The following COL23A1 variants were observed in gnomAD, a reference collection of about 807,000 sequenced individuals.
COL23A1 encodes the protein collagen type XXIII alpha 1 chain.
COL23A1 carries 97 observed loss-of-function variants against 99.3 expected under a neutral mutation model. That is an observed-to-expected ratio of 0.98 (90% CI 0.83 to 1.16). The LOEUF is 1.16. Ranked by LOEUF, COL23A1 falls within the 50% of genes most tolerant of loss-of-function variation. The pLI, the probability that COL23A1 is intolerant of heterozygous loss-of-function variation, is 0.00. For synonymous variants in COL23A1, 320 were observed against 308.2 expected, an observed-to-expected ratio of 1.04 and a Z score of -0.40; for missense variants, 762 against 757.4, an observed-to-expected ratio of 1.01 and a Z score of -0.07.
At chr5:178,372,209 C>T (rs527742551) in intron 2 of COL23A1, among the ~76,000 whole-genome samples, 19 of 152,330 alleles carry the variant, frequency 1.2e-4, no homozygotes, top group African/African-American at 2.4e-4. Context: ...GACAGCGGGG[C>T]GTGCTGGGAG....
intron 2 of COL23A1, among the ~76,000 whole-genome samples, chr5:178,317,785 A>G (rs2127621081): frequency 6.6e-6 from 1 of 152,326 alleles, no homozygotes; most frequent in African/African-American, 2.4e-5. Flanking sequence ...ATAAAGAAAG[A>G]GAGGGTTAAT....
chr5:178,413,737 G>C (rs926144698), intron 2 of COL23A1, among the ~76,000 whole-genome samples: 7 of 152,310 alleles, frequency 4.6e-5, no homozygotes, highest in African/African-American at 1.7e-4. Context: ...TGTGGGGATG[G>C]GGAATTGGAC....
At chr5:178,557,218 C>T (rs171889) in intron 2 of COL23A1, among the ~76,000 whole-genome samples, 86,716 of 152,032 alleles carry the variant, frequency 0.57, 28,075 homozygotes, top group African/African-American at 0.87. Flanking sequence ...TGCGTCTCTG[C>T]CTCAAATCTC....
chr5:178,466,007 G>T (rs1018768335), intron 2 of COL23A1, among the ~76,000 whole-genome samples: 5 of 152,128 alleles, frequency 3.3e-5, no homozygotes, highest in Non-Finnish European at 5.9e-5. Flanking sequence ...ACATCACCCT[G>T]GTCCCTCAGT....
intron 2 of COL23A1, among the ~76,000 whole-genome samples, chr5:178,375,385 C>T (rs554958724): frequency 6.6e-6 from 1 of 152,188 alleles, no homozygotes; most frequent in Admixed American, 6.5e-5. Flanking sequence ...TGCCTCCAGG[C>T]ACCACCTTGC....
At chr5:178,238,730 C>T (rs10061163) in intron 28 of COL23A1, 30 bp from the exon 29 acceptor site, 110 of 1,611,944 alleles carry the variant, frequency 6.8e-5, no homozygotes, top group East Asian at 2.0e-4. Context: ...CTGAAGGTGA[C>T]GAGGAGCCCG....
chr5:178,432,731 T>G (rs904220071), intron 2 of COL23A1, among the ~76,000 whole-genome samples: 1 of 150,824 alleles, frequency 6.6e-6, no homozygotes, highest in African/African-American at 2.5e-5. Context: ...GCCAATGTTC[T>G]GGGGCTGGTA....
intron 2 of COL23A1, among the ~76,000 whole-genome samples, chr5:178,338,561 G>A (rs72820947): frequency 2.0e-3 from 256 of 130,382 alleles, no homozygotes; most frequent in South Asian, 4.9e-3. Flanking sequence ...ACCCAGCACC[G>A]GGTATGGGGT....
rs1308170300 is a variant in COL23A1 at position 178,356,750 on chromosome 5, C to T, written c.362-49831G>A. On this transcript the variant is annotated intron_variant, in intron 2 of 28. Transcript: ENST00000390654. ...ACGCGCCAAACCCAGCAGAGTGATG[C>T]CTGGGCAGGAGTTACGCACCCTCCC... 3.9e-5 allele frequency among the ~76,000 whole-genome samples: 6 copies of T among 152,250 alleles called. No individual in the cohort carries two copies. The East Asian group carries it at 9.7e-4, about 25-fold the overall frequency.
intron 5 of COL23A1, among the ~76,000 whole-genome samples, chr5:178,275,811 T>C (rs1180957972): frequency 6.6e-6 from 1 of 152,214 alleles, no homozygotes; most frequent in Admixed American, 6.5e-5. Flanking sequence ...CTCCACATCC[T>C]GCTGATTTCA....
chr5:178,512,857 C>A (rs975960167), intron 2 of COL23A1, among the ~76,000 whole-genome samples: 1 of 152,172 alleles, frequency 6.6e-6, no homozygotes, highest in African/African-American at 2.4e-5. Flanking sequence ...TCTGCTCCTG[C>A]CACAAGCACA....
intron 2 of COL23A1, among the ~76,000 whole-genome samples, chr5:178,426,093 G>A (rs950962630): frequency 4.6e-5 from 7 of 152,190 alleles, no homozygotes; most frequent in African/African-American, 7.2e-5. Context: ...AGAAGTCTCC[G>A]TTTAGTGTGG....
intron 2 of COL23A1, chr5:178,378,344 C>G (rs1763194461): frequency 6.6e-6 from 1 of 151,224 alleles, no homozygotes; most frequent in Non-Finnish European, 1.5e-5. Flanking sequence ...CCTGCACCCC[C>G]TGAGGACTGC....
chr5:178,284,968 T>C (rs1757078719), intron 5 of COL23A1, among the ~76,000 whole-genome samples: 1 of 152,184 alleles, frequency 6.6e-6, no homozygotes, highest in South Asian at 2.1e-4. Context: ...GCTTTTTCCT[T>C]GTGTTTTTCT....
At chr5:178,382,098 CG>C (rs531692411) in intron 2 of COL23A1, among the ~76,000 whole-genome samples, 1 of 132,528 alleles carries the variant, frequency 7.5e-6, no homozygotes, top group Non-Finnish European at 1.6e-5. Flanking sequence ...CTGGAATCTT[CG>C]GGGGGAATGG....
intron 2 of COL23A1, among the ~76,000 whole-genome samples, chr5:178,478,225 T>C (rs1282685087): frequency 3.9e-5 from 6 of 152,176 alleles, no homozygotes; most frequent in South Asian, 2.1e-4. Flanking sequence ...GATGGGAAGA[T>C]GCCATCTTCA....
Position 178,365,220 on chromosome 5 carries a change from T to C in COL23A1, c.362-58301A>G, listed in dbSNP as rs761922166. Among the ~76,000 whole-genome samples the C allele has an allele frequency of 1.4e-4, 21 of 151,802 alleles. No homozygotes were observed. Among genetic ancestry groups the C allele is most frequent in the Middle Eastern group, 3.4e-3 (1 of 294 alleles). The stretch of plus-strand genomic sequence containing the variant: ...TGGGACTCCATCCAGGAACATTAGA[T>C]ATGGGGTCCAGCCCCAGCGCACAGG... On this transcript the variant is annotated intron_variant, in intron 2 of 28. Coordinates refer to ENST00000390654, the MANE Select transcript of COL23A1 (RefSeq NM_173465.4). The surrounding 1 kb of genome is among the most constrained non-coding windows in gnomAD (Gnocchi z 5.2).
chr5:178,357,728 G>A (rs74354258), intron 2 of COL23A1, among the ~76,000 whole-genome samples: 19 of 50,824 alleles, frequency 3.7e-4, no homozygotes, highest in Non-Finnish European at 5.3e-4. Flanking sequence ...ATGTGTGTGT[G>A]TGTGTGTGTA....
intron 2 of COL23A1, among the ~76,000 whole-genome samples, chr5:178,324,796 T>C (rs893645050): frequency 6.6e-6 from 1 of 152,164 alleles, no homozygotes; most frequent in African/African-American, 2.4e-5. Context: ...CCCCACCCGC[T>C]AATCTCTCTG....
Sources: allele counts gnomAD v4.1 joint callset (sites outside exome capture counted in the v4.1 genomes callset), GRCh38; gene constraint gnomAD v4.1.1; non-coding constraint Gnocchi (gnomAD v3.1); transcripts MANE v1.5; gene names NCBI Gene and HGNC (gene_info 2026-07-23, HGNC 2026-07-21).